The following MAL variants were observed in gnomAD, a reference collection of about 807,000 sequenced individuals.
The protein encoded by MAL is myelin and lymphocyte protein.
Under a neutral mutation model 16.7 loss-of-function variants are expected in MAL, and 5 were observed. The ratio of observed to expected loss-of-function variants is 0.30; its 90% CI spans 0.16 to 0.63. The LOEUF (loss-of-function observed/expected upper bound fraction) is 0.63. Ranked by LOEUF, MAL falls within the 30% of genes least tolerant of loss-of-function variation. The probability of loss-of-function intolerance (pLI) is 0.82; values close to 1 mark genes in which losing one functional copy is unlikely to be tolerated. For synonymous variants in MAL, 96 were observed against 85.5 expected (o/e 1.12, Z -0.67); for missense variants, 202 against 195.8 (o/e 1.03, Z -0.19).
chr2:95,041,921 T>C (rs919704501), intron 1 of MAL, among the ~76,000 whole-genome samples: 1 of 152,088 alleles, frequency 6.6e-6, no homozygotes, highest in African/African-American at 2.4e-5. Flanking sequence ...GAAGCTCAAC[T>C]CTGCTAACCC....
intron 1 of MAL, among the ~76,000 whole-genome samples, chr2:95,037,900 G>A (rs569969517): frequency 6.6e-6 from 1 of 150,942 alleles, no homozygotes; most frequent in Non-Finnish European, 1.5e-5. Context: ...GAGTGGGTGA[G>A]TGAGTGACTT....
chr2:95,037,723 AG>A (rs1674276004), intron 1 of MAL, among the ~76,000 whole-genome samples: 1 of 150,008 alleles, frequency 6.7e-6, no homozygotes, highest in African/African-American at 2.5e-5. Flanking sequence ...TGAGTGACTG[AG>A]TCAGTGAGTG....
intron 1 of MAL, among the ~76,000 whole-genome samples, chr2:95,030,451 C>T (rs181219770): frequency 4.5e-4 from 69 of 152,344 alleles, no homozygotes; most frequent in African/African-American, 1.2e-3. Context: ...TCTCTGTCTC[C>T]GTCTCCATTC....
intron 1 of MAL, among the ~76,000 whole-genome samples, chr2:95,039,080 T>TTGAGTGAC: frequency 2.4e-5 from 1 of 41,896 alleles, no homozygotes; most frequent in East Asian, 7.4e-4. Context: ...GAGTGACTGA[T>TTGAGTGAC]TGAGTGACTG....
chr2:95,030,704 C>T (rs186655452), intron 1 of MAL, among the ~76,000 whole-genome samples: 1 of 152,210 alleles, frequency 6.6e-6, no homozygotes, highest in African/African-American at 2.4e-5. Flanking sequence ...TGAGGAATGC[C>T]GCCCAGCCCT....
intron 1 of MAL, among the ~76,000 whole-genome samples, chr2:95,043,914 C>T (rs1639834436): frequency 6.6e-6 from 1 of 152,190 alleles, no homozygotes; most frequent in South Asian, 2.1e-4. Flanking sequence ...ACATCTGTGA[C>T]TACCTTCACC....
intron 1 of MAL, among the ~76,000 whole-genome samples, chr2:95,036,605 G>A (rs576442311): frequency 2.1e-4 from 32 of 152,378 alleles, no homozygotes; most frequent in African/African-American, 7.0e-4. Context: ...TGTTAAATGC[G>A]TGAGTGAATG....
intron 1 of MAL, among the ~76,000 whole-genome samples, chr2:95,039,858 G>A (rs1188896489): frequency 6.6e-6 from 1 of 152,064 alleles, no homozygotes; most frequent in Non-Finnish European, 1.5e-5. Context: ...GAAGCCAAAC[G>A]GTGTTACTCC....
At chr2:95,041,016 A>C (rs566883044) in intron 1 of MAL, among the ~76,000 whole-genome samples, 3 of 152,286 alleles carry the variant, frequency 2.0e-5, no homozygotes, top group African/African-American at 7.2e-5. Flanking sequence ...TCTTTGGTTC[A>C]TGTCTTGATG....
At chr2:95,037,195 G>A (rs1243394716) in intron 1 of MAL, among the ~76,000 whole-genome samples, 3 of 150,984 alleles carry the variant, frequency 2.0e-5, no homozygotes, top group South Asian at 2.1e-4. Flanking sequence ...CTGAGTGACT[G>A]AGTAGGTGAG....
At chr2:95,041,370 T>C (rs182863096) in intron 1 of MAL, among the ~76,000 whole-genome samples, 1 of 152,328 alleles carries the variant, frequency 6.6e-6, no homozygotes, top group Admixed American at 6.5e-5. Context: ...TTTTCTCTTT[T>C]TGATTCTTTT....
At chr2:95,053,288 C>T (rs1416953209) in intron 3 of MAL, 93 bp from the exon 4 acceptor site, 3 of 864,088 alleles carry the variant, frequency 3.5e-6, no homozygotes, top group South Asian at 1.4e-5. Flanking sequence ...TGGGTCTGGC[C>T]CCCCCTACGC....
chr2:95,044,399 C>G (rs1573298347), intron 1 of MAL: 1 of 152,302 alleles, frequency 6.6e-6, no homozygotes, highest in East Asian at 1.9e-4. Context: ...ACTGCATGGG[C>G]TGTGAATTAT....
chr2:95,037,695 GGTGA>G (rs1558658196), intron 1 of MAL, among the ~76,000 whole-genome samples: 1 of 100,850 alleles, frequency 9.9e-6, no homozygotes, highest in East Asian at 3.1e-4. Flanking sequence ...TGAGTGAGTG[GGTGA>G]GTGAGTGACT....
chr2:95,046,731 G>GGTT (rs1248528995), intron 1 of MAL, among the ~76,000 whole-genome samples: 3 of 151,994 alleles, frequency 2.0e-5, no homozygotes, highest in Non-Finnish European at 4.4e-5. Context: ...GGCTGTCCTT[G>GGTT]GTTACTCCAT....
rs191995511 is a variant in MAL, at chr2:95,027,350, G to T, written c.93+1465G>T. ...CTACTACTGGCAGCTTGCTCTTCCA[G>T]CGTGGCTTTGTGGCCTGCCGGTAGC... On this transcript the variant is annotated intron_variant, in intron 1 of 3. Coordinates refer to ENST00000309988, the MANE Select transcript of MAL (RefSeq NM_002371.4). 8.5e-5 allele frequency among the ~76,000 whole-genome samples: 13 copies of T among 152,326 alleles called. No homozygotes were observed. In the East Asian group the frequency reaches 2.3e-3, roughly 27 times the overall value.
rs528873033 is a variant in MAL, at chr2:95,025,834, T to A, written c.42T>A (p.Ser14Arg). Residue 14 changes from serine (S) to arginine (R), a missense_variant, in exon 1 of 4, where the codon AGT (serine) becomes AGA (arginine). Physicochemically the swap from Ser to Arg is moderately radical, Grantham distance 110. Transcript: ENST00000309988. The surrounding 1 kb of genome is among the most constrained non-coding windows in gnomAD (Gnocchi z 5.6). ...CGACGGGGGGCAGCACCCTGCCCAG[T>A]GGCTTCTCGGTCTTCACCACCTTGC... ...AAATGGSTLP[S>R]GFSVFTTLPD... is the part of the protein sequence containing the mutation. 11 of 1,578,494 alleles carry A rather than the reference T, an allele frequency of 7.0e-6. No homozygotes were observed. The East Asian group carries it at 2.6e-4, about 37-fold the overall frequency.
intron 3 of MAL, 139 bp downstream of exon 3, chr2:95,049,845 G>A: frequency 3.2e-6 from 4 of 1,261,336 alleles, no homozygotes; most frequent in Non-Finnish European, 4.4e-6. Flanking sequence ...TTCATGCCTG[G>A]AGCAGGAAAG....
chr2:95,048,921 A>G (rs962210533), intron 2 of MAL, among the ~76,000 whole-genome samples: 6 of 152,272 alleles, frequency 3.9e-5, no homozygotes, highest in African/African-American at 1.4e-4. Context: ...GGCTCAAGTG[A>G]TCGTCCTGCC....
Sources: gnomAD v4.1 joint callset for allele counts (sites outside exome capture counted in the v4.1 genomes callset) on GRCh38, gnomAD v4.1.1 for gene constraint, Gnocchi (gnomAD v3.1) non-coding constraint, MANE v1.5 for transcripts, NCBI Gene and HGNC (gene_info 2026-07-23, HGNC 2026-07-21) for gene names.